NR3C2: variants seen among roughly 807,000 people sequenced by gnomAD.
NR3C2 encodes the protein mineralocorticoid receptor.
A neutral mutation model predicts 86.4 loss-of-function variants in NR3C2; 15 were observed. The ratio of observed to expected loss-of-function variants is 0.17; its 90% CI spans 0.12 to 0.27. The LOEUF (loss-of-function observed/expected upper bound fraction) is 0.27. Among genes scored for constraint, NR3C2 ranks in the 10% least tolerant of loss-of-function variants. NR3C2 has a pLI of 1.00. For synonymous variants in NR3C2, 458 were observed against 450.5 expected (o/e 1.02, Z -0.21); for missense variants, 960 against 1,195.6 (o/e 0.80, Z 2.91).
chr4:148,315,868 T>A (rs181967077), intron 2 of NR3C2, among the ~76,000 whole-genome samples: 1 of 152,202 alleles, frequency 6.6e-6, no homozygotes, highest in South Asian at 2.1e-4. Flanking sequence ...CTGACAGTAA[T>A]GTAAATTGTA....
intron 8 of NR3C2, among the ~76,000 whole-genome samples, chr4:148,103,591 G>A (rs149795282): frequency 3.1e-4 from 47 of 152,320 alleles, no homozygotes; most frequent in Non-Finnish European, 6.3e-4. Context: ...TTAATGTAGC[G>A]TTCTGGTTAT....
At chr4:148,364,757 G>A (rs1204730595) in intron 2 of NR3C2, among the ~76,000 whole-genome samples, 1 of 151,708 alleles carries the variant, frequency 6.6e-6, no homozygotes, top group African/African-American at 2.4e-5. Flanking sequence ...ACAGTGAGAT[G>A]ACTGGTTGAG....
chr4:148,353,726 T>C (rs1487873783), intron 2 of NR3C2, among the ~76,000 whole-genome samples: 1 of 152,186 alleles, frequency 6.6e-6, no homozygotes, highest in Non-Finnish European at 1.5e-5. Context: ...CCATCACTGC[T>C]GCTCAGAACA....
At chr4:148,305,972 G>C (rs1742597325) in intron 2 of NR3C2, among the ~76,000 whole-genome samples, 2 of 152,330 alleles carry the variant, frequency 1.3e-5, no homozygotes, top group Admixed American at 6.5e-5. Flanking sequence ...AAAGGATTCT[G>C]AGGACAGACT....
chr4:148,126,736 G>A (rs1440878086), intron 6 of NR3C2, among the ~76,000 whole-genome samples: 1 of 152,110 alleles, frequency 6.6e-6, no homozygotes, highest in Non-Finnish European at 1.5e-5. Context: ...TTAACTCTTT[G>A]TGAGGTATTA....
intron 6 of NR3C2, among the ~76,000 whole-genome samples, chr4:148,136,053 T>A (rs1333832884): frequency 3.5e-5 from 1 of 28,772 alleles, no homozygotes; most frequent in African/African-American, 2.7e-4. Context: ...CGAGACTCCG[T>A]CTCAAAAAAA....
rs1389298412 is a variant in NR3C2, at chr4:148,195,693, A to G, written c.1898-831T>C. The stretch of plus-strand genomic sequence containing the variant: ...CAGTCCTATAGATGTTCAGTCTAAC[A>G]GTGTGGACATCTGGGGAAGAACATA... On this transcript the variant is annotated intron_variant, in intron 3 of 8. Transcript: ENST00000358102. Among the ~76,000 whole-genome samples the G allele has an allele frequency of 6.6e-5, 10 of 152,256 alleles. No individual in the cohort carries two copies. In the South Asian group the frequency reaches 2.1e-3, roughly 31 times the overall value.
chr4:148,278,278 T>C (rs1741059358), intron 2 of NR3C2, among the ~76,000 whole-genome samples: 1 of 152,182 alleles, frequency 6.6e-6, no homozygotes, highest in Non-Finnish European at 1.5e-5. Flanking sequence ...TTTTATATTT[T>C]TAGTAGAGAT....
intron 2 of NR3C2, among the ~76,000 whole-genome samples, chr4:148,389,316 T>C (rs778165607): frequency 3.9e-5 from 6 of 152,160 alleles, no homozygotes; most frequent in African/African-American, 9.7e-5. Flanking sequence ...TGTGTAGGAA[T>C]AGAAAGATGG....
chr4:148,401,312 C>T (rs1293809557), intron 2 of NR3C2, among the ~76,000 whole-genome samples: 1 of 152,166 alleles, frequency 6.6e-6, no homozygotes, highest in Non-Finnish European at 1.5e-5. Flanking sequence ...TGTCTCCCTA[C>T]TAGCAGAAGG....
rs893404671 is a variant in NR3C2 at position 148,382,313 on chromosome 4, A to C, written c.1757+52791T>G. On this transcript the variant is annotated intron_variant, in intron 2 of 8. Transcript: ENST00000358102. ...ACCTCCTCCTCAGTGCCAAACCCTG[A>C]ACTAGGAGCTAAGGATAAAAATAAG... Among the ~76,000 whole-genome samples the C allele has an allele frequency of 1.6e-4, 24 of 152,324 alleles. No homozygotes were observed. The East Asian group carries it at 4.4e-3, about 28-fold the overall frequency.
intron 8 of NR3C2, among the ~76,000 whole-genome samples, chr4:148,112,938 T>C (rs1206378086): frequency 6.6e-6 from 1 of 152,170 alleles, no homozygotes; most frequent in Non-Finnish European, 1.5e-5. Context: ...ACTCAGATCT[T>C]ACAGGATGAA....
chr4:148,136,700 G>C (rs1733362940), intron 6 of NR3C2, among the ~76,000 whole-genome samples: 1 of 151,980 alleles, frequency 6.6e-6, no homozygotes, highest in Admixed American at 6.6e-5. Context: ...AGGCTGGAGT[G>C]CAATGGCGCA....
chr4:148,381,599 T>C (rs1194214630), intron 2 of NR3C2, among the ~76,000 whole-genome samples: 1 of 152,220 alleles, frequency 6.6e-6, no homozygotes, highest in African/African-American at 2.4e-5. Flanking sequence ...TAAAAGTTCA[T>C]GTGTAGAGTA....
Position 148,130,975 on chromosome 4 carries a change from C to T in NR3C2, c.2511-10687G>A, listed in dbSNP as rs930605329. Among the ~76,000 whole-genome samples the T allele has an allele frequency of 2.0e-5, 3 of 151,830 alleles. No homozygotes were observed. The East Asian group carries it at 5.8e-4, about 29-fold the overall frequency. ...AGTAGCCGGGACCTGGGACTACAGG[C>T]GCCCGCCACAATGCCTGGCTAATTT... On this transcript the variant is annotated intron_variant, in intron 6 of 8. Transcript: ENST00000358102.
chr4:148,243,146 T>C (rs1303534127), intron 3 of NR3C2, among the ~76,000 whole-genome samples: 1 of 151,852 alleles, frequency 6.6e-6, no homozygotes, highest in Non-Finnish European at 1.5e-5. Flanking sequence ...TCCTCCTGCC[T>C]CAGCTTCCTG....
intron 2 of NR3C2, among the ~76,000 whole-genome samples, chr4:148,316,998 G>T (rs1020721695): frequency 3.9e-5 from 6 of 151,958 alleles, no homozygotes; most frequent in African/African-American, 1.2e-4. Flanking sequence ...TCGCTATGTT[G>T]CCCAGGCTGG....
intron 3 of NR3C2, among the ~76,000 whole-genome samples, chr4:148,236,723 T>C (rs1738768102): frequency 1.3e-5 from 2 of 152,198 alleles, no homozygotes; most frequent in African/African-American, 2.4e-5. Context: ...ATGTGCATCA[T>C]ACATAGAATC....
intron 2 of NR3C2, among the ~76,000 whole-genome samples, chr4:148,295,935 A>T (rs1742027448): frequency 6.6e-6 from 1 of 151,756 alleles, no homozygotes; most frequent in Non-Finnish European, 1.5e-5. Flanking sequence ...TTTTTATTAC[A>T]GAGTCAACAA....
Sources: gnomAD v4.1 joint callset for allele counts (sites outside exome capture counted in the v4.1 genomes callset) on GRCh38, gnomAD v4.1.1 for gene constraint, MANE v1.5 for transcripts, NCBI Gene and HGNC (gene_info 2026-07-23, HGNC 2026-07-21) for gene names.